The following SORL1 variants were observed in gnomAD, a reference collection of about 807,000 sequenced individuals.
The protein encoded by SORL1 is sortilin related receptor 1, also known as sortilin-related receptor.
Under a neutral mutation model 273.7 loss-of-function variants are expected in SORL1, and 127 were observed. That is an observed-to-expected ratio of 0.46 (90% CI 0.40 to 0.54). The LOEUF is 0.54. SORL1 is among the 20% of genes least tolerant of loss of function. The pLI is 0.00. For synonymous variants in SORL1, 1,031 were observed against 1,067.4 expected (o/e 0.97, Z 0.66); for missense variants, 2,494 against 2,846.1 (o/e 0.88, Z 2.81).
At chr11:121,567,888 C>A (rs1053476359) in intron 22 of SORL1, among the ~76,000 whole-genome samples, 2 of 151,990 alleles carry the variant, frequency 1.3e-5, no homozygotes, top group Non-Finnish European at 2.9e-5. Flanking sequence ...ATTCTATTTG[C>A]CTTTTTTTTT....
Position 121,559,554 on chromosome 11 carries a change from C to T in SORL1, c.2946C>T (p.Ser982=), listed in dbSNP as rs777096847. The stretch of plus-strand genomic sequence containing the variant: ...ACTGGGATGACTGGTCACAGCTCAG[C>T]ATATTCCGAGCTTCCAAATACAGTG... The part of the protein sequence containing the change: ...EIYWDDWSQL[S]IFRASKYSGS... Residue 982 remains serine, a synonymous_variant, in exon 21 of 48, where the codon AGC becomes AGT. Transcript: ENST00000260197. 2 of 1,614,098 alleles carry T rather than the reference C, an allele frequency of 1.2e-6. No individual in the cohort carries two copies. Among genetic ancestry groups the T allele is most frequent in the Non-Finnish European group, 1.7e-6 (2 of 1,179,926 alleles).
intron 43 of SORL1, 22 bp from the exon 44 acceptor site, chr11:121,621,042 A>C: frequency 6.4e-7 from 1 of 1,550,448 alleles, no homozygotes; most frequent in Non-Finnish European, 8.9e-7. Context: ...ATTATCATTC[A>C]CTTGTTCTTT....
intron 27 of SORL1, 27 bp downstream of exon 27, chr11:121,586,356 G>A (rs1204092287): frequency 6.5e-6 from 10 of 1,528,870 alleles, no homozygotes; most frequent in Non-Finnish European, 8.2e-6. Flanking sequence ...CCCCCAGGAA[G>A]CACTCAGGCC....
rs1863890495 is a variant in SORL1 at position 121,632,619 on chromosome 11, T to C, written c.*3056T>C. The C allele has an allele frequency of 6.6e-6, 1 of 151,486 alleles. No individual in the cohort carries two copies. Among genetic ancestry groups the C allele is most frequent in the Non-Finnish European group, 1.5e-5 (1 of 67,962 alleles). 9.4% of individuals were successfully genotyped at this position (151,486 alleles called of 1,614,324 possible). A position where few individuals can be genotyped will look rare whatever the true frequency, so the allele number is the denominator to read the frequency against. On this transcript the variant is annotated 3_prime_UTR_variant, in exon 48 of 48. Transcript: ENST00000260197. ...CACTAGATGAAGCTGTACTCAGCAA[T>C]TTAGGGAATGTAACCCTTCTCAGAA... is the stretch of plus-strand genomic sequence containing the variant.
chr11:121,531,750 G>A (rs898073335), intron 11 of SORL1, among the ~76,000 whole-genome samples: 1 of 152,176 alleles, frequency 6.6e-6, no homozygotes, highest in Non-Finnish European at 1.5e-5. Context: ...TGCGACTTGC[G>A]TAAGTTCATA....
At chr11:121,477,300 C>T (rs953518911) in intron 2 of SORL1, among the ~76,000 whole-genome samples, 1 of 152,172 alleles carries the variant, frequency 6.6e-6, no homozygotes, top group Non-Finnish European at 1.5e-5. Flanking sequence ...GGTGGAGACC[C>T]ATGAGAGTTT....
At chr11:121,570,307 T>C in intron 23 of SORL1, 37 bp downstream of exon 23, 1 of 1,505,564 alleles carries the variant, frequency 6.6e-7, no homozygotes. Context: ...CACTTACCAT[T>C]ACTCAGAAGC....
At chr11:121,494,624 G>A (rs1352873524) in intron 5 of SORL1, among the ~76,000 whole-genome samples, 4 of 152,196 alleles carry the variant, frequency 2.6e-5, no homozygotes, top group Non-Finnish European at 5.9e-5. Context: ...TAAGACATTG[G>A]AAGTCTAAGT....
intron 31 of SORL1, among the ~76,000 whole-genome samples, chr11:121,592,272 A>C (rs374132800): frequency 6.6e-6 from 1 of 152,226 alleles, no homozygotes; most frequent in African/African-American, 2.4e-5. Flanking sequence ...TTTTATAGCA[A>C]AAGAGACCTT....
At position 121,538,313 on chromosome 11, in the gene SORL1, A is replaced by G. The variant is rs1441917294; in HGVS notation, c.1686-5235A>G. ...ATTTCCATCAGTCCAGAAAATACTC[A>G]CGTGCCCCTTTCCAGTCAGTGCTCT... is the stretch of plus-strand genomic sequence containing the variant. On this transcript the variant is annotated intron_variant, in intron 12 of 47. Coordinates refer to ENST00000260197, the MANE Select transcript of SORL1 (RefSeq NM_003105.6). Among the ~76,000 whole-genome samples the G allele has an allele frequency of 1.4e-4, 21 of 152,118 alleles. 1 individual carries two copies. Among genetic ancestry groups the G allele is most frequent in the Admixed American group, 1.4e-3 (21 of 15,278 alleles).
chr11:121,584,535 C>G (rs976610299), intron 26 of SORL1, among the ~76,000 whole-genome samples: 6 of 151,952 alleles, frequency 3.9e-5, no homozygotes, highest in African/African-American at 1.5e-4. Context: ...CCTCAAGGAA[C>G]TATTCTACAC....
intron 12 of SORL1, among the ~76,000 whole-genome samples, chr11:121,535,287 T>G (rs1323457488): frequency 6.6e-6 from 1 of 152,228 alleles, no homozygotes; most frequent in East Asian, 1.9e-4. Context: ...CTACTTTCCT[T>G]AGTTTTCACA....
chr11:121,524,837 A>G (rs1237895663), intron 11 of SORL1, among the ~76,000 whole-genome samples: 2 of 152,140 alleles, frequency 1.3e-5, no homozygotes, highest in Non-Finnish European at 2.9e-5. Context: ...GATCAGAATT[A>G]ATTATGGTCA....
intron 23 of SORL1, among the ~76,000 whole-genome samples, chr11:121,570,896 T>C (rs1288363348): frequency 6.6e-6 from 1 of 152,208 alleles, no homozygotes; most frequent in African/African-American, 2.4e-5. Flanking sequence ...AAATAACAGA[T>C]AGTTTATTAA....
At chr11:121,472,870 G>T (rs1320470196) in intron 2 of SORL1, among the ~76,000 whole-genome samples, 1 of 151,788 alleles carries the variant, frequency 6.6e-6, no homozygotes, top group East Asian at 1.9e-4. Context: ...TGAGGCAAGA[G>T]AATCGCTTGA....
chr11:121,619,844 A>T lies in SORL1; in HGVS notation c.5816A>T (p.His1939Leu). 1.2e-6 allele frequency: 2 copies of T among 1,614,050 alleles called. No homozygotes were observed. The highest frequency in any genetic ancestry group is 1.7e-6 in the Non-Finnish European group (2 of 1,179,898). ...PDSRLPPRHL[H>L]VVHTGKTSVV... ...AGCAGGCTTCCACCCCGTCACCTGC[A>T]TGTGGTTCATACGGGCAAAACCTCC... Residue 1939 changes from histidine (H) to leucine (L), a missense_variant, in exon 43 of 48, where the codon CAT becomes CTT. His to Leu is a moderately conservative substitution (Grantham distance 99). Around this residue, in one of 3 missense-constraint regions of SORL1, gnomAD observed 1,609 missense variants for 1,816.4 expected, o/e 0.89. Coordinates refer to ENST00000260197, the MANE Select transcript of SORL1 (RefSeq NM_003105.6).
chr11:121,457,463 A>G (rs1425050892), intron 1 of SORL1, among the ~76,000 whole-genome samples: 1 of 152,242 alleles, frequency 6.6e-6, no homozygotes, highest in African/African-American at 2.4e-5. Flanking sequence ...ATGTATGTAC[A>G]TAAAATTGGA....
At chr11:121,487,950 G>C (rs1371411042) in intron 3 of SORL1, 82 bp from the exon 4 acceptor site, 4 of 1,455,600 alleles carry the variant, frequency 2.7e-6, no homozygotes, top group Middle Eastern at 1.8e-4. Flanking sequence ...GTGTGTACTC[G>C]TGTGGACTCG....
chr11:121,615,338 C>T (rs919358980), intron 41 of SORL1, among the ~76,000 whole-genome samples: 4 of 152,068 alleles, frequency 2.6e-5, no homozygotes, highest in Non-Finnish European at 5.9e-5. Context: ...ACATTCGTCC[C>T]CCTCTTGCCT....
Sources: gnomAD v4.1 joint callset for allele counts (sites outside exome capture counted in the v4.1 genomes callset) on GRCh38, gnomAD v4.1.1 for gene constraint, gnomAD v4.1.1 regional missense constraint, MANE v1.5 for transcripts, NCBI Gene and HGNC (gene_info 2026-07-23, HGNC 2026-07-21) for gene names.